Variants in NHSL1 observed in about 807,000 individuals in gnomAD.
The protein encoded by NHSL1 is NHS-like protein 1.
NHSL1 carries 48 observed loss-of-function variants against 95.0 expected under a neutral mutation model. The ratio of observed to expected loss-of-function variants is 0.51; its 90% CI spans 0.40 to 0.64. NHSL1 has a LOEUF of 0.64. NHSL1 is among the 30% of genes least tolerant of loss of function. NHSL1 has a pLI of 0.00. For missense variants in NHSL1, 1,971 were observed against 2,077.7 expected, an observed-to-expected ratio of 0.95 and a Z score of 1.00; for synonymous variants, 783 against 833.9, an observed-to-expected ratio of 0.94 and a Z score of 1.05.
intron 1 of NHSL1, among the ~76,000 whole-genome samples, chr6:138,579,420 TG>T (rs1784019656): frequency 2.6e-5 from 4 of 152,258 alleles, no homozygotes; most frequent in Admixed American, 2.6e-4. Context: ...AAAAGTAAAA[TG>T]TATAAACTGG....
At chr6:138,563,772 T>C (rs952572529) in intron 1 of NHSL1, among the ~76,000 whole-genome samples, 2 of 152,120 alleles carry the variant, frequency 1.3e-5, no homozygotes, top group African/African-American at 4.8e-5. Flanking sequence ...GAGAGCATTG[T>C]TAAGGCTTAG....
intron 1 of NHSL1, among the ~76,000 whole-genome samples, chr6:138,687,810 G>C (rs1251411114): frequency 6.6e-6 from 1 of 152,148 alleles, no homozygotes; most frequent in Non-Finnish European, 1.5e-5. Context: ...TAGATCAGTG[G>C]TTGCCTAGGA....
At chr6:138,625,004 G>C (rs1437434308) in intron 1 of NHSL1, among the ~76,000 whole-genome samples, 1 of 152,132 alleles carries the variant, frequency 6.6e-6, no homozygotes, top group Non-Finnish European at 1.5e-5. Flanking sequence ...GTGTGAGAGA[G>C]AGATATTCTG....
intron 1 of NHSL1, among the ~76,000 whole-genome samples, chr6:138,621,098 C>T (rs184006029): frequency 6.6e-6 from 1 of 152,192 alleles, no homozygotes; most frequent in East Asian, 1.9e-4. Flanking sequence ...CTCCTGCCCC[C>T]CTGCCAGCAT....
At chr6:138,681,781 C>T (rs1785514745) in intron 1 of NHSL1, among the ~76,000 whole-genome samples, 2 of 152,106 alleles carry the variant, frequency 1.3e-5, no homozygotes, top group Non-Finnish European at 2.9e-5. Context: ...TGCTGTCATG[C>T]AGAAAGCCCT....
intron 5 of NHSL1, among the ~76,000 whole-genome samples, chr6:138,434,389 A>AAG (rs1775928658): frequency 6.6e-6 from 1 of 151,928 alleles, no homozygotes; most frequent in Middle Eastern, 3.2e-3. Context: ...GAGTTTTACA[A>AAG]CCAAACAGAG....
At chr6:138,435,652 C>A (rs1028655749) in intron 5 of NHSL1, among the ~76,000 whole-genome samples, 1 of 151,608 alleles carries the variant, frequency 6.6e-6, no homozygotes, top group African/African-American at 2.4e-5. Flanking sequence ...CAGATGAATG[C>A]TATAGATGCA....
chr6:138,460,944 A>G (rs1353250049), intron 3 of NHSL1, among the ~76,000 whole-genome samples: 5 of 151,304 alleles, frequency 3.3e-5, no homozygotes, highest in African/African-American at 9.7e-5. Context: ...TTGGCTGCCT[A>G]CTCTATGGAC....
chr6:138,646,254 C>T (rs1397576073), intron 1 of NHSL1, among the ~76,000 whole-genome samples: 3 of 152,156 alleles, frequency 2.0e-5, no homozygotes, highest in Admixed American at 6.5e-5. Flanking sequence ...TACGGAATTA[C>T]AAGAAAATTA....
rs1323275701 is a variant in NHSL1 at position 138,424,738 on chromosome 6, T to G, written c.4164A>C (p.Thr1388=). The G allele has an allele frequency of 1.9e-6, 3 of 1,550,890 alleles. No individual in the cohort carries two copies. The South Asian group carries it at 3.6e-5, about 18-fold the overall frequency. The change falls in exon 8 of 8, where the codon ACA becomes ACC. Residue 1388 remains threonine (T), a synonymous_variant. Transcript: ENST00000343505. The surrounding 1 kb of genome is among the most constrained non-coding windows in gnomAD (Gnocchi z 5.9). The part of the protein sequence containing the change: ...SRNHSPSPPV[T]PTGAAPSLAS... ...CCAGGCTTGGGGCAGCGCCGGTGGG[T>G]GTCACGGGCGGGGAGGGAGAATGGT...
chr6:138,666,302 TCAAAAA>T (rs1785293543), intron 1 of NHSL1, among the ~76,000 whole-genome samples: 2 of 147,276 alleles, frequency 1.4e-5, no homozygotes, highest in East Asian at 4.1e-4. Flanking sequence ...AAACTCCGTC[TCAAAAA>T]CAAAAACAAG....
rs1778444600 is a variant in NHSL1 at position 138,467,239 on chromosome 6, G to GC, written c.339+6066dup. On this transcript the variant is annotated intron_variant, in intron 3 of 7. Transcript: ENST00000343505. Reference sequence around the variant, plus strand: ...GCGATCTCGGCTCACTGCCGGCTCCGCCCCCCGGGTTCACGCCATTCTCCT... The same window carrying GC: ...GCGATCTCGGCTCACTGCCGGCTCCGCCCCCCCGGGTTCACGCCATTCTCCT... 5.9e-5 allele frequency among the ~76,000 whole-genome samples: 9 copies of GC among 151,740 alleles called. No homozygotes were observed. In the South Asian group the frequency reaches 1.9e-3, roughly 32 times the overall value.
chr6:138,440,339 A>G (rs1776447730), intron 5 of NHSL1, among the ~76,000 whole-genome samples: 1 of 152,174 alleles, frequency 6.6e-6, no homozygotes, highest in Admixed American at 6.5e-5. Flanking sequence ...AGAGAGAGAA[A>G]GCACACATGT....
intron 1 of NHSL1, among the ~76,000 whole-genome samples, chr6:138,626,165 A>C (rs960419714): frequency 6.6e-6 from 1 of 152,216 alleles, no homozygotes; most frequent in African/African-American, 2.4e-5. Context: ...TGTCCAAATT[A>C]TTCCACCTGT....
chr6:138,448,316 T>C (rs1410295421), intron 3 of NHSL1, among the ~76,000 whole-genome samples: 1 of 152,192 alleles, frequency 6.6e-6, no homozygotes, highest in African/African-American at 2.4e-5. Flanking sequence ...GGTAATCGAC[T>C]TTCGTGGGGG....
chr6:138,632,336 CACCT>C (rs1784830235), intron 1 of NHSL1, among the ~76,000 whole-genome samples: 1 of 152,192 alleles, frequency 6.6e-6, no homozygotes, highest in African/African-American at 2.4e-5. Flanking sequence ...CCCACATTGC[CACCT>C]ACTGATTGTA....
At chr6:138,585,328 C>G (rs923649019) in intron 1 of NHSL1, among the ~76,000 whole-genome samples, 3 of 152,118 alleles carry the variant, frequency 2.0e-5, no homozygotes, top group African/African-American at 7.2e-5. Context: ...AGTGAGCACC[C>G]AAGTCTCACC....
chr6:138,437,413 TAC>T lies in NHSL1; in HGVS notation c.665-3735_665-3734del, dbSNP rs71546236. 5.3e-3 allele frequency among the ~76,000 whole-genome samples: 255 copies of T among 47,902 alleles called. 31 individuals are homozygous for T. Among genetic ancestry groups the T allele is most frequent in the Middle Eastern group, 0.036 (2 of 56 alleles). 31.4% of individuals were successfully genotyped at this position (47,902 alleles called of 152,430 possible). ...ACATATATATATATATACACACATA[TAC>T]ACACACACACACACACACACACACA... is the stretch of plus-strand genomic sequence containing the variant. On this transcript the variant is annotated intron_variant, in intron 5 of 7. Coordinates refer to ENST00000343505, the MANE Select transcript of NHSL1 (RefSeq NM_001144060.2).
upstream of NHSL1, among the ~76,000 whole-genome samples, chr6:138,577,374 T>C (rs989305843): frequency 2.0e-5 from 3 of 152,210 alleles, no homozygotes; most frequent in Middle Eastern, 3.2e-3. Context: ...TTCATTTCCA[T>C]GTGTAGCTTG....
Sources: allele counts gnomAD v4.1 joint callset (sites outside exome capture counted in the v4.1 genomes callset), GRCh38; gene constraint gnomAD v4.1.1; non-coding constraint Gnocchi (gnomAD v3.1); transcripts MANE v1.5; gene names NCBI Gene and HGNC (gene_info 2026-07-23, HGNC 2026-07-21).